The following HSPG2 variants were observed in gnomAD, a reference collection of about 807,000 sequenced individuals.
The protein encoded by HSPG2 is basement membrane-specific heparan sulfate proteoglycan core protein.
A neutral mutation model predicts 526.6 loss-of-function variants in HSPG2; 278 were observed. The ratio of observed to expected loss-of-function variants is 0.53; its 90% CI spans 0.48 to 0.58. The LOEUF (loss-of-function observed/expected upper bound fraction) is 0.58, where lower values mean the gene tolerates loss of function less well. Ranked by LOEUF, HSPG2 falls within the 20% of genes least tolerant of loss-of-function variation. The pLI, the probability that HSPG2 is intolerant of heterozygous loss-of-function variation, is 0.00. For synonymous variants in HSPG2, 2,465 were observed against 2,555.4 expected, an observed-to-expected ratio of 0.96 and a Z score of 1.07; for missense variants, 5,354 against 6,099.5, an observed-to-expected ratio of 0.88 and a Z score of 4.07.
intron 1 of HSPG2, among the ~76,000 whole-genome samples, chr1:21,930,308 C>T (rs1291127226): frequency 6.6e-6 from 1 of 152,228 alleles, no homozygotes; most frequent in Non-Finnish European, 1.5e-5. Context: ...TACCACCCCA[C>T]CCTACCTACC....
At position 21,831,509 on chromosome 1, in the gene HSPG2, A is replaced by G. The variant is rs1375058166; in HGVS notation, c.11406T>C (p.Pro3802=). ...CCGCCTTGGGGATGGCACCATAGTC[A>G]GGATAGCCACCCAGGTAGAGTTCCT... is the stretch of plus-strand genomic sequence containing the variant. ...LNEELYLGGY[P]DYGAIPKAGL... The change falls in exon 83 of 97, where the codon CCT becomes CCC. Residue 3802 remains proline, a synonymous_variant. Transcript: ENST00000374695. 1 of 1,614,118 alleles carries G rather than the reference A, an allele frequency of 6.2e-7. No homozygotes were observed. Among genetic ancestry groups the G allele is most frequent in the South Asian group, 1.1e-5 (1 of 91,080 alleles).
intron 74 of HSPG2, among the ~76,000 whole-genome samples, chr1:21,838,125 G>A (rs1417569365): frequency 9.8e-6 from 1 of 101,524 alleles, no homozygotes; most frequent in Non-Finnish European, 1.8e-5. Context: ...GAAAGAGTGA[G>A]ATTCTGTCTC....
In HSPG2 at chr1:21,890,986, A is replaced by G. The variant is rs1399305907; in HGVS notation, c.245-292T>C. On this transcript the variant is annotated intron_variant, in intron 3 of 96. Coordinates refer to ENST00000374695, the MANE Select transcript of HSPG2 (RefSeq NM_005529.7). This position sits in a 1 kb window ranked among gnomAD's most constrained non-coding sequence, Gnocchi z 4.1. The stretch of plus-strand genomic sequence containing the variant: ...CCCCCACAGTTCAGAGGAAGGCTGG[A>G]CAAGAAGGGGTGGCTCCCAGAGGGA... 1.3e-5 allele frequency among the ~76,000 whole-genome samples: 2 copies of G among 152,254 alleles called. No homozygotes were observed. Among genetic ancestry groups the G allele is most frequent in the African/African-American group, 4.8e-5 (2 of 41,464 alleles).
At chr1:21,837,732 T>G (rs1332655098) in intron 74 of HSPG2, among the ~76,000 whole-genome samples, 1 of 152,144 alleles carries the variant, frequency 6.6e-6, no homozygotes, top group Non-Finnish European at 1.5e-5. Flanking sequence ...CTGTCCCCAT[T>G]TACTAAGTGC....
chr1:21,839,687 G>A lies in HSPG2; in HGVS notation c.9709+135C>T, dbSNP rs1237176027. 7 of 1,372,846 alleles carry A rather than the reference G, an allele frequency of 5.1e-6. No individual in the cohort carries two copies. The African/African-American group carries it at 8.6e-5, about 17-fold the overall frequency. The allele number at this position is 1,372,846 out of a possible 1,614,324, so 85.0% of individuals were successfully genotyped here. A position where few individuals can be genotyped will look rare whatever the true frequency, so the allele number is the denominator to read the frequency against. On this transcript the variant is annotated intron_variant, in intron 72 of 96. Coordinates refer to ENST00000374695, the MANE Select transcript of HSPG2 (RefSeq NM_005529.7). The surrounding 1 kb of genome is among the most constrained non-coding windows in gnomAD (Gnocchi z 4.5). Reference sequence around the variant, plus strand: ...CAGTTGGGTTCCTCGGCCATCACTGGGGGATGCTAGCAACACGGTCTCCCC... The same window carrying A: ...CAGTTGGGTTCCTCGGCCATCACTGAGGGATGCTAGCAACACGGTCTCCCC...
At chr1:21,923,702 T>C (rs1644107496) in intron 1 of HSPG2, among the ~76,000 whole-genome samples, 1 of 152,172 alleles carries the variant, frequency 6.6e-6, no homozygotes, top group South Asian at 2.1e-4. Flanking sequence ...GTGTCTTCCT[T>C]GAATGTAGCC....
chr1:21,896,775 C>T (rs1037673648), intron 1 of HSPG2, among the ~76,000 whole-genome samples: 27 of 152,128 alleles, frequency 1.8e-4, no homozygotes, highest in African/African-American at 5.8e-4. Context: ...TGCTCAAAGC[C>T]GTTGCCTCCC....
intron 1 of HSPG2, among the ~76,000 whole-genome samples, chr1:21,902,407 G>C (rs551022059): frequency 2.7e-4 from 41 of 152,340 alleles, no homozygotes; most frequent in African/African-American, 9.4e-4. Flanking sequence ...TGTGCCAGGG[G>C]CTGAGCTAAG....
rs2097983572 is a variant in HSPG2, at chr1:21,827,891, G to C, written c.12561C>G (p.Asp4187Glu). 6.3e-7 allele frequency: 1 copy of C among 1,595,262 alleles called. No individual in the cohort carries two copies. Among genetic ancestry groups the C allele is most frequent in the East Asian group, 2.3e-5 (1 of 44,434 alleles). The change falls in exon 91 of 97, where the codon GAC becomes GAG. Residue 4187 changes from aspartate to glutamate, a missense_variant. Coordinates refer to ENST00000374695, the MANE Select transcript of HSPG2 (RefSeq NM_005529.7). The stretch of plus-strand genomic sequence containing the variant: ...TGCCCCCGCTGCCTTCAAGATGCCA[G>C]TCGGACTCTGCTATGCCATGTCCAG... ...QGSGHGIAES[D>E]WHLEGSGGND...
chr1:21,833,769 T>C (rs1392925094), intron 78 of HSPG2, 47 bp downstream of exon 78: 5 of 1,500,286 alleles, frequency 3.3e-6, no homozygotes, highest in Non-Finnish European at 4.6e-6. Context: ...TTCAGATCTG[T>C]TCCCAGCCCC....
chr1:21,856,240 C>G (rs867523440), intron 44 of HSPG2, among the ~76,000 whole-genome samples: 1 of 152,198 alleles, frequency 6.6e-6, no homozygotes, highest in African/African-American at 2.4e-5. Context: ...AACATAGCAA[C>G]GTGCTCCTGC....
intron 64 of HSPG2, among the ~76,000 whole-genome samples, chr1:21,845,260 CA>C (rs1022673701): frequency 5.8e-4 from 88 of 151,816 alleles, no homozygotes; most frequent in African/African-American, 2.0e-3. Context: ...CAAAACAAAA[CA>C]AAAAAAACCT....
chr1:21,838,696 G>A, intron 74 of HSPG2, 129 bp downstream of exon 74: 1 of 968,794 alleles, frequency 1.0e-6, no homozygotes, highest in Non-Finnish European at 1.6e-6. Flanking sequence ...GCCCTGGAGA[G>A]TAGGGGAGAT....
chr1:21,846,119 A>T lies in HSPG2; in HGVS notation c.8453T>A (p.Val2818Asp). The T allele has an allele frequency of 6.2e-7, 1 of 1,612,710 alleles. No homozygotes were observed. The highest frequency in any genetic ancestry group is 8.5e-7 in the Non-Finnish European group (1 of 1,180,004). Residue 2818 changes from valine (V) to aspartate (D), a missense_variant, in exon 64 of 97, where the codon GTC becomes GAC. Coordinates refer to ENST00000374695, the MANE Select transcript of HSPG2 (RefSeq NM_005529.7). ...GCAGGGACCCTCACCGGGGACGTGG[A>T]CAGCACTTGAGCCAGAGGCTTCGAT... ...VTIEASGSSA[V>D]HVPAPGGAPP... is the part of the protein sequence containing the mutation.
In HSPG2 at chr1:21,887,531, GGGGCCTGACGGAACC is replaced by G; in HGVS notation, c.832_846del (p.Gly278_Pro282del). 1 of 1,614,104 alleles carries G rather than the reference GGGGCCTGACGGAACC, an allele frequency of 6.2e-7. No individual in the cohort carries two copies. Among genetic ancestry groups the G allele is most frequent in the Non-Finnish European group, 8.5e-7 (1 of 1,180,002 alleles). On this transcript the variant is annotated inframe_deletion, in exon 8 of 97. Coordinates refer to ENST00000374695, the MANE Select transcript of HSPG2 (RefSeq NM_005529.7). The surrounding 1 kb of genome is among the most constrained non-coding windows in gnomAD (Gnocchi z 5.0). The stretch of plus-strand genomic sequence containing the variant: ...GCGGCCTCCTGGGGCCCACAGGGCA[GGGGCCTGACGGAACC>G]GGGAAGCAGGGGCTGAGGAGCGTGG...
chr1:21,857,446 C>T, intron 42 of HSPG2, 61 bp from the exon 43 acceptor site: 3 of 1,445,856 alleles, frequency 2.1e-6, no homozygotes, highest in Non-Finnish European at 2.9e-6. Context: ...CCTGTGGCCA[C>T]TTTGTCTTTC....
intron 2 of HSPG2, 78 bp downstream of exon 2, chr1:21,896,097 C>A: frequency 6.2e-7 from 1 of 1,606,604 alleles, no homozygotes; most frequent in Non-Finnish European, 8.5e-7. Context: ...GTCGGTCACC[C>A]TCCTCCCCCA....
intron 17 of HSPG2, 91 bp downstream of exon 17, chr1:21,880,016 G>A: frequency 1.4e-6 from 2 of 1,444,182 alleles, no homozygotes; most frequent in Non-Finnish European, 1.9e-6. Flanking sequence ...CAGTCATTCT[G>A]GAGGCTTGTG....
rs2098046924 is a variant in HSPG2, at chr1:21,841,184, C to A, written c.9430G>T (p.Ala3144Ser). The A allele has an allele frequency of 6.2e-7, 1 of 1,613,884 alleles. No homozygotes were observed. The highest frequency in any genetic ancestry group is 1.3e-5 in the African/African-American group (1 of 75,056). The change falls in exon 71 of 97, where the codon GCT (alanine) becomes TCT (serine). Residue 3144 changes from alanine to serine, a missense_variant. Ala to Ser is a moderately conservative substitution (Grantham distance 99). Coordinates refer to ENST00000374695, the MANE Select transcript of HSPG2 (RefSeq NM_005529.7). ...GTGCTGCTGATCCGGGTCCAACGAG[C>A]AGAGGAGCGGGGCTCCCCGGCACTG... ...CVSAGEPRSSARWTRISSTPA... is the reference protein window; with the variant it reads ...CVSAGEPRSSSRWTRISSTPA...
Sources: gnomAD v4.1 joint callset for allele counts (sites outside exome capture counted in the v4.1 genomes callset) on GRCh38, gnomAD v4.1.1 for gene constraint, Gnocchi (gnomAD v3.1) non-coding constraint, MANE v1.5 for transcripts, NCBI Gene and HGNC (gene_info 2026-07-23, HGNC 2026-07-21) for gene names.